Variants in KDM4C observed in about 807,000 individuals in gnomAD.
KDM4C encodes the protein lysine demethylase 4C.
In KDM4C, 81 loss-of-function variants were observed where a neutral mutation model predicts 129.3. That is an observed-to-expected ratio of 0.63 (90% CI 0.52 to 0.75). The LOEUF is 0.75. Ranked by LOEUF, KDM4C falls within the 30% of genes least tolerant of loss-of-function variation. The pLI, the probability that KDM4C is intolerant of heterozygous loss-of-function variation, is 0.00. For missense variants in KDM4C, 1,457 were observed against 1,304.0 expected, an observed-to-expected ratio of 1.12 and a Z score of -1.81; for synonymous variants, 573 against 456.1, an observed-to-expected ratio of 1.26 and a Z score of -3.26.
chr9:6,812,748 C>T (rs903801881), intron 3 of KDM4C, among the ~76,000 whole-genome samples: 3 of 152,212 alleles, frequency 2.0e-5, no homozygotes, highest in Non-Finnish European at 4.4e-5. Context: ...ACACCTGTCT[C>T]TGTCACCTGA....
At chr9:6,834,503 G>C (rs1200999769) in intron 4 of KDM4C, 2 of 644,628 alleles carry the variant, frequency 3.1e-6, no homozygotes, top group East Asian at 3.1e-5. Context: ...GCTCCGGCAT[G>C]TGGAAGGCTG....
At chr9:7,072,675 G>A (rs763924242) in intron 17 of KDM4C, among the ~76,000 whole-genome samples, 1 of 152,206 alleles carries the variant, frequency 6.6e-6, no homozygotes. Context: ...GCACTGTGGT[G>A]TATCTTGATT....
rs914413816 is a variant in KDM4C at position 7,063,970 on chromosome 9, C to CTGTCTGT, written c.2424+14771_2424+14777dup. 7.2e-5 allele frequency among the ~76,000 whole-genome samples: 11 copies of CTGTCTGT among 152,318 alleles called. 2 individuals carry two copies. The highest frequency in any genetic ancestry group is 2.6e-4 in the African/African-American group (11 of 41,570). On this transcript the variant is annotated intron_variant, in intron 17 of 21. Transcript: ENST00000381309. ...AAGCCTCCCGTCTTTTGGAGCTGTG[C>CTGTCTGT]TGTCTGTGTGGTGACTGCTGGCTGC...
chr9:6,746,206 G>A (rs889748708), intron 1 of KDM4C, among the ~76,000 whole-genome samples: 2 of 150,100 alleles, frequency 1.3e-5, no homozygotes, highest in Non-Finnish European at 3.0e-5. Context: ...CTCCCAGAGT[G>A]CTGGGATTAC....
At chr9:7,140,814 A>C (rs1223646874) in intron 19 of KDM4C, among the ~76,000 whole-genome samples, 1 of 152,200 alleles carries the variant, frequency 6.6e-6, no homozygotes, top group Non-Finnish European at 1.5e-5. Context: ...AGCATGTATA[A>C]AAGATGTGCT....
intron 5 of KDM4C, among the ~76,000 whole-genome samples, chr9:6,866,095 G>C (rs1841919641): frequency 6.6e-6 from 1 of 151,786 alleles, no homozygotes; most frequent in Non-Finnish European, 1.5e-5. Context: ...ATGTTGAACA[G>C]GCTGGTCTCG....
chr9:6,905,663 G>T (rs1475733906), intron 8 of KDM4C, among the ~76,000 whole-genome samples: 2 of 152,184 alleles, frequency 1.3e-5, no homozygotes, highest in Non-Finnish European at 2.9e-5. Context: ...TTTAACTATA[G>T]CAGGGTATCT....
chr9:6,954,282 AGT>A (rs1412186670), intron 8 of KDM4C, among the ~76,000 whole-genome samples: 9 of 152,176 alleles, frequency 5.9e-5, no homozygotes, highest in Admixed American at 5.9e-4. Context: ...ATGTCTGCTT[AGT>A]ACTCGGTCAC....
At chr9:7,051,879 A>T (rs906793282) in intron 17 of KDM4C, among the ~76,000 whole-genome samples, 4 of 152,176 alleles carry the variant, frequency 2.6e-5, no homozygotes, top group Non-Finnish European at 5.9e-5. Flanking sequence ...CCTTGGCATT[A>T]CTGACATTTT....
rs965082178 is a variant in KDM4C at position 7,174,035 on chromosome 9, C to A, written c.2995-518C>A. On this transcript the variant is annotated intron_variant, in intron 21 of 21. Coordinates refer to ENST00000381309, the MANE Select transcript of KDM4C (RefSeq NM_015061.6). ...AAGTGAGCAGCCAGAGAAGGAGAAG[C>A]AGGAGAGTGGGTTTACAAAATGACA... 2.4e-4 allele frequency among the ~76,000 whole-genome samples: 36 copies of A among 152,160 alleles called. 1 individual carries two copies.
chr9:6,778,449 C>T (rs973528171), intron 1 of KDM4C, among the ~76,000 whole-genome samples: 2 of 151,926 alleles, frequency 1.3e-5, no homozygotes, highest in Non-Finnish European at 2.9e-5. Flanking sequence ...TCTCTGCTTC[C>T]ACAGCTAAAT....
At chr9:6,955,200 G>A (rs991188453) in intron 8 of KDM4C, among the ~76,000 whole-genome samples, 7 of 152,208 alleles carry the variant, frequency 4.6e-5, no homozygotes, top group African/African-American at 1.4e-4. Flanking sequence ...TTCTTCTACT[G>A]TGGGGTGGTA....
intron 17 of KDM4C, among the ~76,000 whole-genome samples, chr9:7,050,040 T>C (rs1829924952): frequency 6.6e-6 from 1 of 152,100 alleles, no homozygotes. Context: ...TTTTCTTGAC[T>C]GTTGCTTGTT....
At position 6,749,088 on chromosome 9, in the gene KDM4C, C is replaced by T. The variant is rs146245012; in HGVS notation, c.49+28091C>T. On this transcript the variant is annotated intron_variant, in intron 1 of 17. Transcript: ENST00000536108. ...AGGCTGGAGTGCAATGGCGCGATCT[C>T]GCCTTCCTGCAACCTCTGCCTCCTA... The T allele has an allele frequency of 3.2e-3, 1,474 of 461,236 alleles. 21 individuals carry two copies. The highest frequency in any genetic ancestry group is 0.027 in the African/African-American group (1,335 of 49,876). 28.6% of individuals were successfully genotyped at this position (461,236 alleles called of 1,614,324 possible). A position where few individuals can be genotyped will look rare whatever the true frequency, so the allele number is the denominator to read the frequency against.
At chr9:6,987,417 C>T (rs1469363125) in intron 11 of KDM4C, among the ~76,000 whole-genome samples, 2 of 152,168 alleles carry the variant, frequency 1.3e-5, no homozygotes, top group Admixed American at 6.5e-5. Context: ...TCCATGTAGC[C>T]ATAAGAGTGG....
intron 17 of KDM4C, among the ~76,000 whole-genome samples, chr9:7,062,599 G>A (rs1831857447): frequency 6.6e-6 from 1 of 151,186 alleles, no homozygotes; most frequent in Non-Finnish European, 1.5e-5. Context: ...GTCTAAGCTG[G>A]TCTCAAACTC....
chr9:6,826,871 A>G (rs6477114), intron 4 of KDM4C, among the ~76,000 whole-genome samples: 62,453 of 151,222 alleles, frequency 0.41, 13,209 homozygotes, highest in East Asian at 0.6. Context: ...CATCTCAAAA[A>G]AAAAAAAAAG....
intron 17 of KDM4C, among the ~76,000 whole-genome samples, chr9:7,099,160 A>T (rs945144808): frequency 6.6e-6 from 1 of 151,064 alleles, no homozygotes; most frequent in African/African-American, 2.5e-5. Context: ...ATTAAAAAGC[A>T]TTCACACCTA....
At chr9:6,757,225 G>A (rs1373893073), upstream of KDM4C, among the ~76,000 whole-genome samples, 1 of 152,122 alleles carries the variant, frequency 6.6e-6, no homozygotes, top group African/African-American at 2.4e-5. Flanking sequence ...TGCATTTCTA[G>A]TCACTTCAGT....
Sources: allele counts gnomAD v4.1 joint callset (sites outside exome capture counted in the v4.1 genomes callset), GRCh38; gene constraint gnomAD v4.1.1; transcripts MANE v1.5; gene names NCBI Gene and HGNC (gene_info 2026-07-23, HGNC 2026-07-21).